UNC13C: variants seen among roughly 807,000 people sequenced by gnomAD.
The protein encoded by UNC13C is unc-13 homolog C.
Under a neutral mutation model 245.4 loss-of-function variants are expected in UNC13C, and 174 were observed. The observed-to-expected ratio is 0.71, with a 90% CI of 0.63 to 0.80. The LOEUF is 0.80. UNC13C is among the 30% of genes least tolerant of loss of function. UNC13C has a pLI of 0.00. For missense variants in UNC13C, 2,829 were observed against 2,602.9 expected (o/e 1.09, Z -1.89); for synonymous variants, 992 against 895.1 (o/e 1.11, Z -1.93).
rs181205138 is a variant in UNC13C, at chr15:54,300,261, C to G, written c.4156C>G (p.Pro1386Ala). Residue 1386 changes from proline (P) to alanine (A), a missense_variant, in exon 13 of 33, where the codon CCA becomes GCA. Coordinates refer to ENST00000260323, the MANE Select transcript of UNC13C (RefSeq NM_001080534.3). ...GAAATCTAATGGTGGAGTGAAAATC[C>G]CAGAAGTCAAAGGGGATGAAGCCTG... Reference protein sequence around the residue: ...EVKSNGGVKIPEVKGDEAWKV... With the variant: ...EVKSNGGVKIAEVKGDEAWKV... 6.3e-7 allele frequency: 1 copy of G among 1,598,456 alleles called. No homozygotes were observed. The highest frequency in any genetic ancestry group is 2.2e-5 in the East Asian group (1 of 44,512).
intron 18 of UNC13C, among the ~76,000 whole-genome samples, chr15:54,395,758 C>T (rs1404625459): frequency 1.3e-5 from 2 of 151,806 alleles, no homozygotes; most frequent in South Asian, 2.1e-4. Flanking sequence ...AATTTGATAA[C>T]AAGTTTACAG....
At chr15:54,310,067 C>T (rs531539854) in intron 13 of UNC13C, among the ~76,000 whole-genome samples, 1 of 151,576 alleles carries the variant, frequency 6.6e-6, no homozygotes, top group African/African-American at 2.4e-5. Flanking sequence ...TAAACATTTC[C>T]AGAGATTGCA....
At chr15:54,596,638 C>T (rs906712764) in intron 30 of UNC13C, among the ~76,000 whole-genome samples, 16 of 152,160 alleles carry the variant, frequency 1.1e-4, no homozygotes, top group Non-Finnish European at 1.8e-4. Context: ...CATGTTGACA[C>T]GTGATCCCCC....
intron 30 of UNC13C, among the ~76,000 whole-genome samples, chr15:54,575,218 T>G (rs1219724870): frequency 6.6e-6 from 1 of 152,162 alleles, no homozygotes; most frequent in African/African-American, 2.4e-5. Context: ...GTAATTTTAG[T>G]AGAGACGGTG....
chr15:54,005,538 A>G (rs1349441252), intron 1 of UNC13C, among the ~76,000 whole-genome samples: 3 of 152,210 alleles, frequency 2.0e-5, no homozygotes, highest in Non-Finnish European at 4.4e-5. Context: ...ACTCAAGACA[A>G]TGCCTGGCAT....
At chr15:54,220,487 C>A (rs1329790772) in intron 4 of UNC13C, among the ~76,000 whole-genome samples, 1 of 150,412 alleles carries the variant, frequency 6.6e-6, no homozygotes, top group Admixed American at 6.6e-5. Context: ...AGGAGATACA[C>A]CTAATGCTAA....
rs1039823537 is a variant in UNC13C at position 54,598,936 on chromosome 15, T to C, written c.6107-23391T>C. Reference sequence around the variant, plus strand: ...TGTTTATTTCTGTAACCTTGGCATCTGATGCTCAACAAATATTAAATGAAA... The same window carrying C: ...TGTTTATTTCTGTAACCTTGGCATCCGATGCTCAACAAATATTAAATGAAA... On this transcript the variant is annotated intron_variant, in intron 30 of 32. Coordinates refer to ENST00000260323, the MANE Select transcript of UNC13C (RefSeq NM_001080534.3). 2.6e-5 allele frequency among the ~76,000 whole-genome samples: 4 copies of C among 152,300 alleles called. No individual in the cohort carries two copies. In the Middle Eastern group the frequency reaches 0.01, roughly 389 times the overall value.
the UNC13C span, among the ~76,000 whole-genome samples, chr15:53,879,401 A>C: frequency 4.6e-5 from 7 of 152,214 alleles, no homozygotes; most frequent in African/African-American, 1.7e-4. Context: ...GGGCTCCAGC[A>C]ATCTTCCCAC....
chr15:53,847,408 G>A, the UNC13C span, among the ~76,000 whole-genome samples: 8 of 151,222 alleles, frequency 5.3e-5, no homozygotes, highest in African/African-American at 1.9e-4. Context: ...CTAGGCTGGA[G>A]TGCAACGATG....
At chr15:54,128,547 A>C (rs1212055013) in intron 2 of UNC13C, among the ~76,000 whole-genome samples, 1 of 152,192 alleles carries the variant, frequency 6.6e-6, no homozygotes, top group African/African-American at 2.4e-5. Flanking sequence ...TGCTATGACA[A>C]GTAAGTTTTG....
chr15:54,493,718 A>C (rs1893826582), intron 19 of UNC13C, among the ~76,000 whole-genome samples: 1 of 152,130 alleles, frequency 6.6e-6, no homozygotes. Context: ...AGCTAGGTAT[A>C]TTTTAGGTTT....
At chr15:54,520,164 A>G (rs553935925) in intron 24 of UNC13C, among the ~76,000 whole-genome samples, 33 of 152,058 alleles carry the variant, frequency 2.2e-4, no homozygotes, top group Non-Finnish European at 3.7e-4. Flanking sequence ...ACAGTAGGCT[A>G]GAGGAGAAAA....
At chr15:53,974,737 A>T (rs1280278420), upstream of UNC13C, 2 of 21,312 alleles carry the variant, frequency 9.4e-5, no homozygotes, top group East Asian at 3.4e-3. Context: ...AGTCAAAAGC[A>T]CTTTTTTTTT....
At chr15:53,957,809 A>C in the UNC13C span, among the ~76,000 whole-genome samples, 1 of 152,216 alleles carries the variant, frequency 6.6e-6, no homozygotes. Context: ...GATGCTAGGA[A>C]TAGTGCTCAG....
At chr15:54,103,319 T>C (rs1230976052) in intron 2 of UNC13C, among the ~76,000 whole-genome samples, 2 of 152,214 alleles carry the variant, frequency 1.3e-5, no homozygotes, top group Non-Finnish European at 2.9e-5. Flanking sequence ...AAGCACAGCC[T>C]GTCTTCCTTA....
chr15:54,342,175 G>T (rs1431902131), intron 17 of UNC13C, among the ~76,000 whole-genome samples: 1 of 151,862 alleles, frequency 6.6e-6, no homozygotes, highest in Non-Finnish European at 1.5e-5. Context: ...TTTCTTGTCT[G>T]TTACTTATTA....
intron 2 of UNC13C, among the ~76,000 whole-genome samples, chr15:54,125,507 G>A (rs2030978772): frequency 6.6e-6 from 1 of 152,104 alleles, no homozygotes; most frequent in South Asian, 2.1e-4. Flanking sequence ...TAAAAATTGT[G>A]TTAAGCCTTT....
At chr15:54,447,048 T>A (rs559193609) in intron 19 of UNC13C, among the ~76,000 whole-genome samples, 1 of 152,332 alleles carries the variant, frequency 6.6e-6, no homozygotes, top group South Asian at 2.1e-4. Context: ...ATTGAGGTAA[T>A]CATGTGGTTT....
At chr15:54,362,373 A>T (rs1302686870) in intron 17 of UNC13C, among the ~76,000 whole-genome samples, 1 of 152,244 alleles carries the variant, frequency 6.6e-6, no homozygotes, top group Non-Finnish European at 1.5e-5. Context: ...AGGAGGGAGC[A>T]GCACAGACTA....
Sources: allele counts gnomAD v4.1 joint callset (sites outside exome capture counted in the v4.1 genomes callset), GRCh38; gene constraint gnomAD v4.1.1; transcripts MANE v1.5; gene names NCBI Gene and HGNC (gene_info 2026-07-23, HGNC 2026-07-21).